The following ZFP82 variants were observed in gnomAD, a reference collection of about 807,000 sequenced individuals.
The protein encoded by ZFP82 is ZFP82 zinc finger protein, also known as zinc finger protein 82 homolog.
In ZFP82, 30 loss-of-function variants were observed where a neutral mutation model predicts 54.0. That is an observed-to-expected ratio of 0.56 (90% confidence interval 0.42 to 0.75). The LOEUF (loss-of-function observed/expected upper bound fraction) is 0.75, where lower values mean the gene tolerates loss of function less well. ZFP82 is among the 30% of genes least tolerant of loss of function. The probability of loss-of-function intolerance (pLI) is 0.00; values close to 1 mark genes in which losing one functional copy is unlikely to be tolerated. For missense variants in ZFP82, 500 were observed against 636.8 expected (o/e 0.79, Z 2.31); for synonymous variants, 194 against 209.5 (o/e 0.93, Z 0.64).
chr19:36,415,913 C>A (rs1396194255), intron 1 of ZFP82, among the ~76,000 whole-genome samples: 2 of 152,192 alleles, frequency 1.3e-5, no homozygotes, highest in African/African-American at 4.8e-5. Context: ...TGAACACAAT[C>A]AAGCGACATT....
At chr19:36,409,241 C>G (rs999736468) in intron 2 of ZFP82, among the ~76,000 whole-genome samples, 2 of 152,110 alleles carry the variant, frequency 1.3e-5, no homozygotes, top group Non-Finnish European at 2.9e-5. Context: ...CTGAGGCCAA[C>G]TAACAGCAAC....
rs1054193407 is a variant in ZFP82 at position 36,389,349 on chromosome 19, T to C, written c.*3392A>G. On this transcript the variant is annotated 3_prime_UTR_variant, in exon 5 of 5. Coordinates refer to ENST00000392161, the MANE Select transcript of ZFP82 (RefSeq NM_133466.4). ...CACCACGCCTGGCCCAAACTTGATT[T>C]TCTACTTTAAAAAACTTTATTATGG... Among the ~76,000 whole-genome samples, 1 of 152,180 alleles carries C rather than the reference T, an allele frequency of 6.6e-6. No individual in the cohort carries two copies. Among genetic ancestry groups the C allele is most frequent in the Non-Finnish European group, 1.5e-5 (1 of 68,034 alleles).
intron 4 of ZFP82, 63 bp from the exon 5 acceptor site, chr19:36,394,173 A>AC: frequency 1.4e-6 from 2 of 1,383,698 alleles, no homozygotes; most frequent in Non-Finnish European, 2.0e-6. Flanking sequence ...CAACATTTCT[A>AC]ATGTAGAAAT....
chr19:36,415,850 C>A (rs1005031828), intron 1 of ZFP82, among the ~76,000 whole-genome samples: 1 of 152,192 alleles, frequency 6.6e-6, no homozygotes, highest in Non-Finnish European at 1.5e-5. Context: ...AGTTCTTTAA[C>A]TGTTCTTCAT....
rs2145575364 is a variant in ZFP82, at chr19:36,389,284, C to A, written c.*3457G>T. ...ATCTCCTGGCCTCAAATGATCCACCCACCTTGGCCTCCCAAAGTACTGCGA... is the reference window on the plus strand; with the variant it reads ...ATCTCCTGGCCTCAAATGATCCACCAACCTTGGCCTCCCAAAGTACTGCGA... On this transcript the variant is annotated 3_prime_UTR_variant, in exon 5 of 5. Transcript: ENST00000392161. Among the ~76,000 whole-genome samples, 1 of 152,110 alleles carries A rather than the reference C, an allele frequency of 6.6e-6. No individual in the cohort carries two copies. Among genetic ancestry groups the A allele is most frequent in the East Asian group, 1.9e-4 (1 of 5,186 alleles).
intron 4 of ZFP82, among the ~76,000 whole-genome samples, chr19:36,403,246 C>G (rs1039323212): frequency 1.3e-5 from 2 of 150,262 alleles, no homozygotes; most frequent in East Asian, 4.0e-4. Context: ...TCACTTGAAC[C>G]TGGGAGGCAG....
chr19:36,395,421 C>A (rs139715464), intron 4 of ZFP82: 3 of 152,134 alleles, frequency 2.0e-5, no homozygotes, highest in Non-Finnish European at 4.4e-5. Flanking sequence ...CAGGAAAACA[C>A]GTCTATATCT....
At chr19:36,412,846 T>A (rs1036138765) in intron 1 of ZFP82, among the ~76,000 whole-genome samples, 2 of 152,232 alleles carry the variant, frequency 1.3e-5, no homozygotes, top group Non-Finnish European at 2.9e-5. Flanking sequence ...TCTCAAGCCA[T>A]GCCACCTGAA....
chr19:36,405,790 A>C, intron 3 of ZFP82, 118 bp from the exon 4 acceptor site: 1 of 582,586 alleles, frequency 1.7e-6, no homozygotes, highest in Non-Finnish European at 2.8e-6. Flanking sequence ...AAAACAAATA[A>C]GTGAAAGATG....
In ZFP82 at chr19:36,392,938, G is replaced by A. The variant is rs370140226; in HGVS notation, c.1402C>T (p.His468Tyr). 8 of 1,613,900 alleles carry A rather than the reference G, an allele frequency of 5.0e-6. No individual in the cohort carries two copies. Among genetic ancestry groups the A allele is most frequent in the Non-Finnish European group, 6.8e-6 (8 of 1,179,966 alleles). Reference protein sequence around the residue: ...AFRLRQKLTLHQSIHTGEKPF... With the variant: ...AFRLRQKLTLYQSIHTGEKPF... Reference sequence around the variant, plus strand: ...TTTTCGCCAGTATGAATGCTCTGATGTAGAGTAAGTTTTTGGCGCAATCTA... The same window carrying A: ...TTTTCGCCAGTATGAATGCTCTGATATAGAGTAAGTTTTTGGCGCAATCTA... Residue 468 changes from histidine to tyrosine, a missense_variant, in exon 5 of 5, where the codon CAT (histidine) becomes TAT (tyrosine). By Grantham distance (83) the His-to-Tyr change is moderately conservative. Coordinates refer to ENST00000392161, the MANE Select transcript of ZFP82 (RefSeq NM_133466.4).
intron 4 of ZFP82, among the ~76,000 whole-genome samples, chr19:36,400,801 C>T (rs1298806704): frequency 2.0e-5 from 3 of 152,164 alleles, no homozygotes; most frequent in Non-Finnish European, 4.4e-5. Flanking sequence ...AACTGACAAC[C>T]CTATTTCCCA....
intron 4 of ZFP82, 67 bp downstream of exon 4, chr19:36,405,513 G>A: frequency 8.4e-7 from 1 of 1,197,566 alleles, no homozygotes. Flanking sequence ...ACATAAGGAT[G>A]TGTCTCTTCC....
chr19:36,414,839 T>G (rs1434890069), intron 1 of ZFP82, among the ~76,000 whole-genome samples: 3 of 151,626 alleles, frequency 2.0e-5, no homozygotes, highest in Non-Finnish European at 4.4e-5. Context: ...TTTTTTTTTT[T>G]TGAGACAGTT....
Position 36,409,864 on chromosome 19 carries a change from T to G in ZFP82, c.-75A>C. ...GGAGAAGCACCGAGTCCACAGAGGC[T>G]GATCTAGGGAGAGGAAAACAAGGCC... is the stretch of plus-strand genomic sequence containing the variant. On this transcript the variant is annotated 5_prime_UTR_variant, in exon 2 of 5. Coordinates refer to ENST00000392161, the MANE Select transcript of ZFP82 (RefSeq NM_133466.4). 1 of 1,533,554 alleles carries G rather than the reference T, an allele frequency of 6.5e-7. No homozygotes were observed. The highest frequency in any genetic ancestry group is 2.2e-5 in the East Asian group (1 of 44,474). The allele number at this position is 1,533,554 out of a possible 1,614,324, so 95.0% of individuals were successfully genotyped here.
chr19:36,410,892 A>C lies in ZFP82; in HGVS notation c.-78-1025T>G, dbSNP rs545032823. ...TGCAATGGATCAGAAATTCACATGA[A>C]GAGAAATAAAACCACTTGGGCTGGG... On this transcript the variant is annotated intron_variant, in intron 1 of 4. Transcript: ENST00000392161. Among the ~76,000 whole-genome samples, 42 of 152,156 alleles carry C rather than the reference A, an allele frequency of 2.8e-4. 1 individual carries two copies. In the South Asian group the frequency reaches 8.1e-3, roughly 29 times the overall value.
exon 2 of ZFP82, chr19:36,383,144 G>A (rs906835762): frequency 6.6e-6 from 1 of 152,038 alleles, no homozygotes; most frequent in African/African-American, 2.4e-5. Flanking sequence ...TTATTGAAAA[G>A]ACCACCATTT....
In ZFP82 at chr19:36,407,930, G is replaced by A. The variant is rs539726532; in HGVS notation, c.93C>T (p.Tyr31=). The A allele has an allele frequency of 3.1e-6, 5 of 1,614,072 alleles. No homozygotes were observed. In the South Asian group the frequency reaches 4.4e-5, roughly 14 times the overall value. The change falls in exon 3 of 5, where the codon TAC becomes TAT. Residue 31 remains tyrosine (Y), a synonymous_variant. Transcript: ENST00000392161. ...EYLDLEQKDL[Y]RDVMLENYSN... Reference sequence around the variant, plus strand: ...TGTAGTTCTCCAACATGACATCTCTGTACAAGTCCTTTTGTTCCAAGTCCA... The same window carrying A: ...TGTAGTTCTCCAACATGACATCTCTATACAAGTCCTTTTGTTCCAAGTCCA...
chr19:36,393,451 G>A lies in ZFP82; in HGVS notation c.889C>T (p.Leu297=). 1 of 1,613,940 alleles carries A rather than the reference G, an allele frequency of 6.2e-7. No homozygotes were observed. Among genetic ancestry groups the A allele is most frequent in the South Asian group, 1.1e-5 (1 of 91,070 alleles). The part of the protein sequence containing the change: ...CGKAFRQYAH[L]TRHQKLNSAD... ...CTATTAAGCTTCTGATGCCGAGTCA[G>A]GTGTGCGTACTGTCTAAAGGCTTTT... The change falls in exon 5 of 5, where the codon CTG becomes TTG. Residue 297 remains leucine (L), a synonymous_variant. Coordinates refer to ENST00000392161, the MANE Select transcript of ZFP82 (RefSeq NM_133466.4).
chr19:36,385,571 T>C (rs993240163), downstream of ZFP82, among the ~76,000 whole-genome samples: 2 of 152,234 alleles, frequency 1.3e-5, no homozygotes, highest in African/African-American at 4.8e-5. Flanking sequence ...AGGGTGATTC[T>C]GGTGAGGGCT....
Sources: gnomAD v4.1 joint callset for allele counts (sites outside exome capture counted in the v4.1 genomes callset) on GRCh38, gnomAD v4.1.1 for gene constraint, MANE v1.5 for transcripts, NCBI Gene and HGNC (gene_info 2026-07-23, HGNC 2026-07-21) for gene names.